Variants in ZNF516 observed in about 807,000 individuals in gnomAD.
ZNF516 encodes the protein zinc finger protein 516.
Under a neutral mutation model 79.7 loss-of-function variants are expected in ZNF516, and 19 were observed. The observed-to-expected ratio is 0.24, with a 90% CI of 0.17 to 0.35. The LOEUF (loss-of-function observed/expected upper bound fraction) is 0.35, where lower values mean the gene tolerates loss of function less well. Among genes scored for constraint, ZNF516 ranks in the 10% least tolerant of loss-of-function variants. ZNF516 has a pLI of 1.00. For synonymous variants in ZNF516, 877 were observed against 739.5 expected (o/e 1.19, Z -3.02); for missense variants, 1,678 against 1,679.5 (o/e 1.00, Z 0.02).
intron 3 of ZNF516, among the ~76,000 whole-genome samples, chr18:76,412,509 G>A (rs1354794632): frequency 6.6e-6 from 1 of 152,086 alleles, no homozygotes; most frequent in Non-Finnish European, 1.5e-5. Context: ...CACACTCTAC[G>A]AACCCACCTG....
Position 76,379,623 on chromosome 18 carries a change from G to A in ZNF516, c.2491C>T (p.Leu831Phe). 1 of 1,613,698 alleles carries A rather than the reference G, an allele frequency of 6.2e-7. No homozygotes were observed. Among genetic ancestry groups the A allele is most frequent in the Non-Finnish European group, 8.5e-7 (1 of 1,179,904 alleles). Residue 831 changes from leucine (L) to phenylalanine (F), a missense_variant, in exon 4 of 7, where the codon CTC (leucine) becomes TTC (phenylalanine). Physicochemically the swap from Leu to Phe is conservative, Grantham distance 22. This residue lies in a region of ZNF516 where 1,294 missense variants were observed against 1,248.3 expected (regional missense o/e 1.04). Coordinates refer to ENST00000443185, the MANE Select transcript of ZNF516 (RefSeq NM_014643.4). Reference sequence around the variant, plus strand: ...TGAGTGCGGGTGAACCGAGCAAGGAGCAAAGGCTGGCATTCTTTGCCACCG... The same window carrying A: ...TGAGTGCGGGTGAACCGAGCAAGGAACAAAGGCTGGCATTCTTTGCCACCG... Reference protein sequence around the residue: ...ALGGKECQPLLLARFTRTQVP... With the variant: ...ALGGKECQPLFLARFTRTQVP...
At chr18:76,461,952 C>T (rs1169916096) in intron 2 of ZNF516, among the ~76,000 whole-genome samples, 1 of 152,218 alleles carries the variant, frequency 6.6e-6, no homozygotes, top group Non-Finnish European at 1.5e-5. Context: ...GAAACCGCTC[C>T]GCCCTCCTCC....
chr18:76,371,362 G>C (rs1311100758), intron 5 of ZNF516, 105 bp downstream of exon 5: 1 of 1,190,812 alleles, frequency 8.4e-7, no homozygotes, highest in Non-Finnish European at 1.2e-6. Flanking sequence ...GCCTGGTAGG[G>C]GCTGAAATCT....
At chr18:76,371,791 A>T (rs2074712060) in intron 4 of ZNF516, among the ~76,000 whole-genome samples, 1 of 152,184 alleles carries the variant, frequency 6.6e-6, no homozygotes, top group Admixed American at 6.5e-5. Context: ...CATAAATTAC[A>T]GCGAATTAAA....
intron 3 of ZNF516, among the ~76,000 whole-genome samples, chr18:76,416,784 C>T (rs2075437697): frequency 6.6e-6 from 1 of 152,158 alleles, no homozygotes; most frequent in African/African-American, 2.4e-5. Context: ...AACACATTCT[C>T]CCCCTTCTTA....
At chr18:76,411,580 G>C (rs912936128) in intron 3 of ZNF516, among the ~76,000 whole-genome samples, 1 of 152,124 alleles carries the variant, frequency 6.6e-6, no homozygotes, top group Non-Finnish European at 1.5e-5. Flanking sequence ...ATACTTAAAA[G>C]TTACAAAATA....
Position 76,379,693 on chromosome 18 carries a change from C to G in ZNF516, c.2421G>C (p.Leu807Phe). 6.2e-7 allele frequency: 1 copy of G among 1,613,744 alleles called. No individual in the cohort carries two copies. Among genetic ancestry groups the G allele is most frequent in the Admixed American group, 1.7e-5 (1 of 60,026 alleles). Residue 807 changes from leucine to phenylalanine, a missense_variant, in exon 4 of 7, where the codon TTG becomes TTC. By Grantham distance (22) the Leu-to-Phe change is conservative (BLOSUM62 0). Coordinates refer to ENST00000443185, the MANE Select transcript of ZNF516 (RefSeq NM_014643.4). ...PNGYKSIRSNLVFLSRSGRTG... is the reference protein window; with the variant it reads ...PNGYKSIRSNFVFLSRSGRTG... Reference sequence around the variant, plus strand: ...TGCGTCCGCTCCGGGAAAGGAAAACCAAATTGCTTCTGATGCTTTTGTAAC... The same window carrying G: ...TGCGTCCGCTCCGGGAAAGGAAAACGAAATTGCTTCTGATGCTTTTGTAAC...
At position 76,391,282 on chromosome 18, in the gene ZNF516, G is replaced by A. The variant is rs141407231; in HGVS notation, c.1811-10979C>T. Among the ~76,000 whole-genome samples the A allele has an allele frequency of 2.6e-5, 4 of 152,190 alleles. No homozygotes were observed. In the East Asian group the frequency reaches 7.7e-4, roughly 29 times the overall value. ...AAGCCAAACCACAACCCTAATCCCA[G>A]CACAAACCCTAGCCATAGCAGTAGC... On this transcript the variant is annotated intron_variant, in intron 3 of 6. Transcript: ENST00000443185.
At position 76,380,216 on chromosome 18, in the gene ZNF516, T is replaced by G. The variant is rs1369486908; in HGVS notation, c.1898A>C (p.Asn633Thr). 1 of 1,613,992 alleles carries G rather than the reference T, an allele frequency of 6.2e-7. No homozygotes were observed. The highest frequency in any genetic ancestry group is 8.5e-7 in the Non-Finnish European group (1 of 1,179,896). The change falls in exon 4 of 7, where the codon AAC becomes ACC. Residue 633 changes from asparagine (N) to threonine (T), a missense_variant. Around this residue, in one of 5 missense-constraint regions of ZNF516, gnomAD observed 1,294 missense variants for 1,248.3 expected, o/e 1.04. Transcript: ENST00000443185. ...SGDQSHKMGD[N>T]ASERDTGESK... The stretch of plus-strand genomic sequence containing the variant: ...CTCGCCGGTGTCTCTTTCCGAGGCG[T>G]TATCTCCCATCTTGTGACTCTGGTC...
intron 3 of ZNF516, among the ~76,000 whole-genome samples, chr18:76,405,738 C>G (rs1369117000): frequency 6.6e-6 from 1 of 152,086 alleles, no homozygotes; most frequent in Non-Finnish European, 1.5e-5. Context: ...TCCGCTGACA[C>G]ACGCGTGATG....
At chr18:76,494,893 G>T (rs1915417899) in intron 1 of ZNF516, among the ~76,000 whole-genome samples, 1 of 103,970 alleles carries the variant, frequency 9.6e-6, no homozygotes, top group Non-Finnish European at 1.9e-5. Flanking sequence ...CCGGGCGCTC[G>T]CCCCGCCGCC....
At chr18:76,419,324 G>A (rs894148074) in intron 3 of ZNF516, among the ~76,000 whole-genome samples, 4 of 152,208 alleles carry the variant, frequency 2.6e-5, no homozygotes, top group East Asian at 1.9e-4. Context: ...AAAGGGACAC[G>A]TGTATCAAAT....
intron 3 of ZNF516, among the ~76,000 whole-genome samples, chr18:76,424,807 G>T (rs1180391843): frequency 8.4e-6 from 1 of 119,114 alleles, no homozygotes; most frequent in Non-Finnish European, 1.7e-5. Context: ...AGGTGAAAAG[G>T]CTCCCCCGAA....
chr18:76,488,406 G>C (rs563308640), intron 1 of ZNF516, among the ~76,000 whole-genome samples: 1 of 152,168 alleles, frequency 6.6e-6, no homozygotes, highest in South Asian at 2.1e-4. Context: ...GATGTGCAAA[G>C]GAAGTCAGAG....
chr18:76,397,210 T>C (rs1296095200), intron 3 of ZNF516, among the ~76,000 whole-genome samples: 4 of 152,206 alleles, frequency 2.6e-5, no homozygotes, highest in Non-Finnish European at 5.9e-5. Context: ...AGCGTGGGTC[T>C]TGCCCTCATT....
At chr18:76,456,906 T>A (rs1276634248) in intron 2 of ZNF516, among the ~76,000 whole-genome samples, 1 of 152,262 alleles carries the variant, frequency 6.6e-6, no homozygotes, top group Non-Finnish European at 1.5e-5. Flanking sequence ...AAAATCACTT[T>A]GCTGCATTAA....
chr18:76,488,451 C>T (rs187063019), intron 1 of ZNF516, among the ~76,000 whole-genome samples: 517 of 147,040 alleles, frequency 3.5e-3, no homozygotes, highest in Non-Finnish European at 3.9e-3. Flanking sequence ...AGTGAACAAA[C>T]CCACGGGTAT....
At chr18:76,405,539 A>C (rs1002316006) in intron 3 of ZNF516, among the ~76,000 whole-genome samples, 8 of 152,094 alleles carry the variant, frequency 5.3e-5, no homozygotes, top group Admixed American at 4.6e-4. Flanking sequence ...TGGAGCTTGA[A>C]GGGCCTCCTT....
At chr18:76,404,600 T>C (rs1316967183) in intron 3 of ZNF516, among the ~76,000 whole-genome samples, 1 of 152,204 alleles carries the variant, frequency 6.6e-6, no homozygotes, top group African/African-American at 2.4e-5. Context: ...CATGTGTGCA[T>C]ACTAGTGTAT....
Sources: gnomAD v4.1 joint callset for allele counts (sites outside exome capture counted in the v4.1 genomes callset) on GRCh38, gnomAD v4.1.1 for gene constraint, gnomAD v4.1.1 regional missense constraint, MANE v1.5 for transcripts, NCBI Gene and HGNC (gene_info 2026-07-23, HGNC 2026-07-21) for gene names.